ATRNL1: variants seen among roughly 807,000 people sequenced by gnomAD.
The protein encoded by ATRNL1 is attractin-like protein 1.
A neutral mutation model predicts 182.7 loss-of-function variants in ATRNL1; 95 were observed. The observed-to-expected ratio is 0.52, with a 90% CI of 0.44 to 0.62. The LOEUF is 0.62. Ranked by LOEUF, ATRNL1 falls within the 20% of genes least tolerant of loss-of-function variation. The pLI is 0.00. For missense variants in ATRNL1, 1,471 were observed against 1,679.5 expected (o/e 0.88, Z 2.17); for synonymous variants, 576 against 568.3 (o/e 1.01, Z -0.19).
chr10:115,156,432 A>G (rs954155706), intron 5 of ATRNL1, among the ~76,000 whole-genome samples: 5 of 152,264 alleles, frequency 3.3e-5, no homozygotes, highest in African/African-American at 9.6e-5. Flanking sequence ...ATGACCCTCT[A>G]TAGATATCCA....
At chr10:115,449,863 A>G (rs1175262887) in intron 21 of ATRNL1, among the ~76,000 whole-genome samples, 1 of 152,210 alleles carries the variant, frequency 6.6e-6, no homozygotes, top group Non-Finnish European at 1.5e-5. Flanking sequence ...CTTCAGGCCA[A>G]TATCTTGGAT....
At position 115,948,953 on chromosome 10, in the gene ATRNL1, G is replaced by A. The variant is rs1341482021; in HGVS notation, c.*4174G>A. On this transcript the variant is annotated 3_prime_UTR_variant, in exon 29 of 29. Coordinates refer to ENST00000355044, the MANE Select transcript of ATRNL1 (RefSeq NM_207303.4). ...TATGTTATAATATGCTGTTAATCAG[G>A]ACTTTATTAAATAAAAACATTGGCT... is the stretch of plus-strand genomic sequence containing the variant. 1 of 152,054 alleles carries A rather than the reference G, an allele frequency of 6.6e-6. No homozygotes were observed. Among genetic ancestry groups the A allele is most frequent in the African/African-American group, 2.4e-5 (1 of 41,390 alleles). The allele number at this position is 152,054 out of a possible 1,614,324, so 9.4% of individuals were successfully genotyped here. A position where few individuals can be genotyped will look rare whatever the true frequency, so the allele number is the denominator to read the frequency against.
chr10:115,615,388 T>C (rs1857377733), intron 26 of ATRNL1, among the ~76,000 whole-genome samples: 2 of 152,202 alleles, frequency 1.3e-5, no homozygotes, highest in South Asian at 4.1e-4. Context: ...GTTATAATAT[T>C]CTTGGTTGAA....
In ATRNL1 at chr10:115,464,954, A is replaced by G. The variant is rs180947013; in HGVS notation, c.3418-2220A>G. On this transcript the variant is annotated intron_variant, in intron 22 of 28. Transcript: ENST00000355044. ...AATATACCCTGTCACTATACCTAAT[A>G]ACGATAACACTACAATTATAAGCAC... Among the ~76,000 whole-genome samples, 6 of 151,870 alleles carry G rather than the reference A, an allele frequency of 4.0e-5. No individual in the cohort carries two copies. The East Asian group carries it at 1.2e-3, about 29-fold the overall frequency.
chr10:115,356,858 G>T (rs373699917), intron 19 of ATRNL1, among the ~76,000 whole-genome samples: 2 of 151,918 alleles, frequency 1.3e-5, no homozygotes, highest in Non-Finnish European at 2.9e-5. Flanking sequence ...TGACAATGAA[G>T]TGTGTCATTT....
At chr10:115,542,792 C>T (rs1385710464) in intron 25 of ATRNL1, among the ~76,000 whole-genome samples, 1 of 151,932 alleles carries the variant, frequency 6.6e-6, no homozygotes, top group Non-Finnish European at 1.5e-5. Flanking sequence ...ATCAGGGTAC[C>T]AGTTGTTGGT....
At chr10:115,562,093 C>A (rs1853793701) in intron 26 of ATRNL1, among the ~76,000 whole-genome samples, 1 of 152,090 alleles carries the variant, frequency 6.6e-6, no homozygotes, top group Non-Finnish European at 1.5e-5. Flanking sequence ...CACCATTATT[C>A]ATTACAGCTT....
At chr10:115,940,217 G>T (rs1953685697) in intron 28 of ATRNL1, among the ~76,000 whole-genome samples, 1 of 152,136 alleles carries the variant, frequency 6.6e-6, no homozygotes, top group African/African-American at 2.4e-5. Flanking sequence ...AACTAGAAGT[G>T]GGGCATCCTA....
At chr10:115,845,347 A>G (rs932254463) in intron 27 of ATRNL1, among the ~76,000 whole-genome samples, 1 of 152,062 alleles carries the variant, frequency 6.6e-6, no homozygotes, top group African/African-American at 2.4e-5. Context: ...GGAAGATTTT[A>G]TAGAAGTAGC....
At chr10:115,641,927 A>G (rs1192158242) in intron 26 of ATRNL1, among the ~76,000 whole-genome samples, 2 of 152,022 alleles carry the variant, frequency 1.3e-5, no homozygotes, top group Non-Finnish European at 2.9e-5. Context: ...TATTATAATC[A>G]TTTCATGAGC....
At chr10:115,808,487 A>T (rs1949972898) in intron 27 of ATRNL1, among the ~76,000 whole-genome samples, 1 of 152,136 alleles carries the variant, frequency 6.6e-6, no homozygotes, top group Non-Finnish European at 1.5e-5. Flanking sequence ...TGCTATGAGC[A>T]TGTGTTTATA....
chr10:115,394,750 A>G lies in ATRNL1; in HGVS notation c.3267A>G (p.Gln1089=), dbSNP rs1167530197. ...TTKGIKGDQC[Q]LCDSENRYVG... is the part of the protein sequence containing the mutation. The stretch of plus-strand genomic sequence containing the variant: ...AAGGAATAAAAGGTGACCAATGCCA[A>G]TTGTAAGTAAGAATGACTTTTTAGA... Residue 1089 remains glutamine (Q), a splice_region_variant and synonymous_variant, in exon 20 of 29, where the codon CAA becomes CAG. Coordinates refer to ENST00000355044, the MANE Select transcript of ATRNL1 (RefSeq NM_207303.4). 4.4e-6 allele frequency: 7 copies of G among 1,588,766 alleles called. No homozygotes were observed. Among genetic ancestry groups the G allele is most frequent in the African/African-American group, 4.1e-5 (3 of 73,672 alleles).
intron 19 of ATRNL1, among the ~76,000 whole-genome samples, chr10:115,354,273 C>T (rs1043242530): frequency 5.3e-5 from 8 of 152,096 alleles, no homozygotes; most frequent in Non-Finnish European, 1.0e-4. Flanking sequence ...CACTGAATTT[C>T]ATGCTTTCAG....
chr10:115,920,769 T>C (rs1555118519), intron 28 of ATRNL1, among the ~76,000 whole-genome samples: 1 of 152,236 alleles, frequency 6.6e-6, no homozygotes, highest in Non-Finnish European at 1.5e-5. Context: ...GGAGCTCTTC[T>C]AGTCAGTACA....
chr10:115,625,575 G>A (rs1421267772), intron 26 of ATRNL1, among the ~76,000 whole-genome samples: 1 of 152,062 alleles, frequency 6.6e-6, no homozygotes, highest in Non-Finnish European at 1.5e-5. Context: ...ATTCTATCTG[G>A]AAAGTTTTAT....
chr10:115,154,358 A>C (rs1554881528), intron 5 of ATRNL1, among the ~76,000 whole-genome samples: 1 of 151,982 alleles, frequency 6.6e-6, no homozygotes, highest in Non-Finnish European at 1.5e-5. Flanking sequence ...TCTCTTTGTA[A>C]GTCTCTAAGG....
In ATRNL1 at chr10:115,643,274, GC is replaced by G. The variant is rs775130312; in HGVS notation, c.3796-83973del. 8.5e-5 allele frequency among the ~76,000 whole-genome samples: 13 copies of G among 152,176 alleles called. No homozygotes were observed. The South Asian group carries it at 1.0e-3, about 12-fold the overall frequency. On this transcript the variant is annotated intron_variant, in intron 26 of 28. Coordinates refer to ENST00000355044, the MANE Select transcript of ATRNL1 (RefSeq NM_207303.4). The stretch of plus-strand genomic sequence containing the variant: ...TGCTGGAACAATTGGGTATAAATAT[GC>G]AAAAAATAATAATAACTTTGACCTC...
rs568811548 is a variant in ATRNL1, at chr10:115,688,627, C to T, written c.3796-38621C>T. Among the ~76,000 whole-genome samples, 24 of 152,176 alleles carry T rather than the reference C, an allele frequency of 1.6e-4. 1 individual carries two copies. In the South Asian group the frequency reaches 4.8e-3, roughly 30 times the overall value. On this transcript the variant is annotated intron_variant, in intron 26 of 28. Coordinates refer to ENST00000355044, the MANE Select transcript of ATRNL1 (RefSeq NM_207303.4). ...CTTTATGTCTTCTTTTGAGAAACAA[C>T]TATTCGTGTCCTTTTCTCATGTTTT...
At chr10:115,388,211 T>G (rs1554953178) in intron 19 of ATRNL1, among the ~76,000 whole-genome samples, 1 of 152,110 alleles carries the variant, frequency 6.6e-6, no homozygotes, top group Non-Finnish European at 1.5e-5. Flanking sequence ...GTACTAAGAG[T>G]GGTGTGCTGG....
Sources: gnomAD v4.1 joint callset for allele counts (sites outside exome capture counted in the v4.1 genomes callset) on GRCh38, gnomAD v4.1.1 for gene constraint, MANE v1.5 for transcripts, NCBI Gene and HGNC (gene_info 2026-07-23, HGNC 2026-07-21) for gene names.